The following BCL9 variants were observed in gnomAD, a reference collection of about 807,000 sequenced individuals.
BCL9 encodes the protein BCL9 transcription coactivator.
BCL9 carries 25 observed loss-of-function variants against 88.5 expected under a neutral mutation model. The ratio of observed to expected loss-of-function variants is 0.28; its 90% CI spans 0.21 to 0.39. The LOEUF is 0.39. Ranked by LOEUF, BCL9 falls within the 10% of genes least tolerant of loss-of-function variation. The probability of loss-of-function intolerance (pLI) is 1.00; values close to 1 mark genes in which losing one functional copy is unlikely to be tolerated. For synonymous variants in BCL9, 711 were observed against 673.3 expected (o/e 1.06, Z -0.87); for missense variants, 1,817 against 1,877.8 (o/e 0.97, Z 0.60).
chr1:147,597,211 A>G (rs1657094271), intron 1 of BCL9, among the ~76,000 whole-genome samples: 2 of 152,214 alleles, frequency 1.3e-5, no homozygotes, highest in Non-Finnish European at 2.9e-5. Context: ...AAGTTTATCA[A>G]GAACGGAGGA....
At position 147,611,768 on chromosome 1, in the gene BCL9, T is replaced by A; in HGVS notation, c.-69T>A. 6.7e-7 allele frequency: 1 copy of A among 1,502,978 alleles called. No homozygotes were observed. The highest frequency in any genetic ancestry group is 2.3e-5 in the East Asian group (1 of 44,336). The allele number at this position is 1,502,978 out of a possible 1,614,324, so 93.1% of individuals were successfully genotyped here. ...AGTGCCACTGCCCCCAGCAGCTGTTTCTGCTGCAACCCGAGAGGAACTCGG... is the reference window on the plus strand; with the variant it reads ...AGTGCCACTGCCCCCAGCAGCTGTTACTGCTGCAACCCGAGAGGAACTCGG... On this transcript the variant is annotated 5_prime_UTR_variant, in exon 4 of 10. Transcript: ENST00000234739.
chr1:147,597,642 T>G (rs1362351293), intron 1 of BCL9, among the ~76,000 whole-genome samples: 1 of 152,140 alleles, frequency 6.6e-6, no homozygotes, highest in Non-Finnish European at 1.5e-5. Flanking sequence ...GCATACAAGG[T>G]AGAAAATTCA....
At position 147,620,915 on chromosome 1, in the gene BCL9, C is replaced by T. The variant is rs1570920112; in HGVS notation, c.2760C>T (p.His920=). ...GGTCTGCTGCTGCTTCACCTGTCCA[C>T]CTCAAGTCTCCATCACTTCCTGCCC... ...VLGSAAASPV[H]LKSPSLPAPS... is the part of the protein sequence containing the mutation. Residue 920 remains histidine (H), a synonymous_variant, in exon 8 of 10, where the codon CAC becomes CAT. Transcript: ENST00000234739. 1 of 1,614,202 alleles carries T rather than the reference C, an allele frequency of 6.2e-7. No homozygotes were observed. The highest frequency in any genetic ancestry group is 1.7e-5 in the Admixed American group (1 of 60,032).
chr1:147,548,522 G>T lies in BCL9; in HGVS notation c.-478+6848G>T, dbSNP rs376877924. Among the ~76,000 whole-genome samples the T allele has an allele frequency of 1.1e-4, 16 of 152,242 alleles. No individual in the cohort carries two copies. The East Asian group carries it at 2.3e-3, about 22-fold the overall frequency. ...CCTGCTCTACCACCTCCTAGACTGG[G>T]TATGCACTTATGTGGCTCTTATCAT... On this transcript the variant is annotated intron_variant, in intron 1 of 9. Transcript: ENST00000234739.
At chr1:147,588,221 A>AT (rs1259043714) in intron 1 of BCL9, among the ~76,000 whole-genome samples, 12 of 151,862 alleles carry the variant, frequency 7.9e-5, no homozygotes, top group African/African-American at 2.2e-4. Flanking sequence ...GCAAAGATGT[A>AT]TTTTTTTTCT....
chr1:147,603,355 C>A (rs782400548), intron 1 of BCL9, among the ~76,000 whole-genome samples: 1 of 152,198 alleles, frequency 6.6e-6, no homozygotes, highest in Non-Finnish European at 1.5e-5. Flanking sequence ...CTAACATGGG[C>A]TACGCCAACC....
At chr1:147,556,113 T>C (rs1655096129) in intron 1 of BCL9, among the ~76,000 whole-genome samples, 1 of 152,026 alleles carries the variant, frequency 6.6e-6, no homozygotes, top group South Asian at 2.1e-4. Context: ...TATTTATTTA[T>C]TTACTTATTT....
rs201967879 is a variant in BCL9 at position 147,618,871 on chromosome 1, C to T, written c.716C>T (p.Pro239Leu). 6.2e-7 allele frequency: 1 copy of T among 1,605,458 alleles called. No individual in the cohort carries two copies. The highest frequency in any genetic ancestry group is 1.1e-5 in the South Asian group (1 of 89,682). Reference protein sequence around the residue: ...NDPKPLPQQPPAPANQDQNSS... With the variant: ...NDPKPLPQQPLAPANQDQNSS... ...CCGAAACCTCTCCCACAACAGCCCC[C>T]AGCTCCGGCCAACCAGGACCAGAAT... The change falls in exon 8 of 10, where the codon CCA (proline) becomes CTA (leucine). Residue 239 changes from proline to leucine, a missense_variant. By Grantham distance (98) the Pro-to-Leu change is moderately conservative (BLOSUM62 -3). Coordinates refer to ENST00000234739, the MANE Select transcript of BCL9 (RefSeq NM_004326.4).
chr1:147,619,748 A>G lies in BCL9; in HGVS notation c.1593A>G (p.Thr531=), dbSNP rs782712233. 6.2e-7 allele frequency: 1 copy of G among 1,614,062 alleles called. No homozygotes were observed. Residue 531 remains threonine (T), a synonymous_variant, in exon 8 of 10, where the codon ACA becomes ACG. Transcript: ENST00000234739. This position sits in a 1 kb window ranked among gnomAD's most constrained non-coding sequence, Gnocchi z 4.1. ...GTGAAGGCTGGGCACCTGGGGGTACAGAGCCATTTTCTGATGGTATCAACA... is the reference window on the plus strand; with the variant it reads ...GTGAAGGCTGGGCACCTGGGGGTACGGAGCCATTTTCTGATGGTATCAACA... ...TPSEGWAPGG[T]EPFSDGINMP... is the part of the protein sequence containing the mutation.
intron 1 of BCL9, among the ~76,000 whole-genome samples, chr1:147,568,676 C>T (rs1655725735): frequency 6.6e-6 from 1 of 152,126 alleles, no homozygotes; most frequent in African/African-American, 2.4e-5. Context: ...GCTTCCCTCC[C>T]TCCCTACAGA....
At chr1:147,545,585 C>A (rs1011252031) in intron 1 of BCL9, among the ~76,000 whole-genome samples, 3 of 152,148 alleles carry the variant, frequency 2.0e-5, no homozygotes, top group African/African-American at 7.2e-5. Flanking sequence ...TGTAGGTACT[C>A]TGCATAAATA....
chr1:147,621,100 G>C, intron 8 of BCL9, 43 bp downstream of exon 8: 2 of 1,550,134 alleles, frequency 1.3e-6, no homozygotes, highest in Non-Finnish European at 1.8e-6. Flanking sequence ...AGTAGCTGGA[G>C]ACTGCTAGAC....
chr1:147,567,861 C>T (rs1553196905), intron 1 of BCL9, among the ~76,000 whole-genome samples: 1 of 152,182 alleles, frequency 6.6e-6, no homozygotes, highest in African/African-American at 2.4e-5. Flanking sequence ...TTGCTAGTGA[C>T]CCAGCAGGTC....
chr1:147,568,495 A>G (rs1655716301), intron 1 of BCL9, among the ~76,000 whole-genome samples: 1 of 143,250 alleles, frequency 7.0e-6, no homozygotes, highest in Non-Finnish European at 1.5e-5. Flanking sequence ...AAAAAAAACA[A>G]GTTTCTTAGT....
intron 1 of BCL9, among the ~76,000 whole-genome samples, chr1:147,582,246 T>C (rs587741943): frequency 2.3e-4 from 35 of 152,378 alleles, no homozygotes; most frequent in Admixed American, 6.5e-4. Context: ...TATTTCATCA[T>C]ATGAATGTAC....
At chr1:147,549,079 C>T (rs992193973) in intron 1 of BCL9, among the ~76,000 whole-genome samples, 9 of 146,168 alleles carry the variant, frequency 6.2e-5, no homozygotes, top group African/African-American at 2.3e-4. Context: ...TGGGTTCAAG[C>T]GATTCTCCTG....
At chr1:147,614,973 G>C (rs1658200592) in intron 6 of BCL9, among the ~76,000 whole-genome samples, 1 of 151,644 alleles carries the variant, frequency 6.6e-6, no homozygotes, top group Non-Finnish European at 1.5e-5. Context: ...TGATTAGCTG[G>C]GATTACAGGA....
chr1:147,578,107 C>T (rs1410140060), intron 1 of BCL9, among the ~76,000 whole-genome samples: 25 of 152,324 alleles, frequency 1.6e-4, no homozygotes, highest in African/African-American at 4.6e-4. Flanking sequence ...TTTGCCATCA[C>T]GGCATTTCCA....
intron 1 of BCL9, among the ~76,000 whole-genome samples, chr1:147,596,461 T>A (rs1657058299): frequency 7.3e-6 from 1 of 136,434 alleles, no homozygotes; most frequent in African/African-American, 2.8e-5. Context: ...TCGCCCAGGC[T>A]GGAGTGCAGT....
Sources: allele counts gnomAD v4.1 joint callset (sites outside exome capture counted in the v4.1 genomes callset), GRCh38; gene constraint gnomAD v4.1.1; non-coding constraint Gnocchi (gnomAD v3.1); transcripts MANE v1.5; gene names NCBI Gene and HGNC (gene_info 2026-07-23, HGNC 2026-07-21).